SNTG1: variants seen among roughly 807,000 people sequenced by gnomAD.
SNTG1 encodes the protein syntrophin gamma 1, also known as gamma-1-syntrophin.
SNTG1 carries 39 observed loss-of-function variants against 74.7 expected under a neutral mutation model. The ratio of observed to expected loss-of-function variants is 0.52; its 90% CI spans 0.40 to 0.68. The LOEUF (loss-of-function observed/expected upper bound fraction) is 0.68. SNTG1 is among the 30% of genes least tolerant of loss of function. SNTG1 has a pLI of 0.00. For missense variants in SNTG1, 685 were observed against 609.5 expected (o/e 1.12, Z -1.30); for synonymous variants, 254 against 217.1 (o/e 1.17, Z -1.49).
chr8:50,736,513 A>G (rs148073406), intron 17 of SNTG1, among the ~76,000 whole-genome samples: 128 of 152,178 alleles, frequency 8.4e-4, no homozygotes, highest in East Asian at 2.9e-3. Context: ...TATAAGACCG[A>G]TCAACAAGAG....
intron 11 of SNTG1, among the ~76,000 whole-genome samples, chr8:50,548,357 C>G (rs1222596048): frequency 6.6e-6 from 1 of 151,926 alleles, no homozygotes. Flanking sequence ...TAAGAAAGAT[C>G]AGAAAAATAA....
intron 13 of SNTG1, among the ~76,000 whole-genome samples, chr8:50,601,886 C>T (rs2094777576): frequency 1.3e-5 from 2 of 151,968 alleles, no homozygotes; most frequent in South Asian, 2.1e-4. Flanking sequence ...TTTGTCTCCT[C>T]TTGTAGTTTT....
chr8:50,694,901 C>T (rs78603823), intron 15 of SNTG1, among the ~76,000 whole-genome samples: 2 of 145,232 alleles, frequency 1.4e-5, no homozygotes, highest in Non-Finnish European at 3.0e-5. Context: ...AAAAAAAAAA[C>T]TCCCAACAGA....
chr8:50,009,863 G>A (rs1335901614), intron 1 of SNTG1, among the ~76,000 whole-genome samples: 5 of 152,080 alleles, frequency 3.3e-5, no homozygotes, highest in Non-Finnish European at 7.4e-5. Flanking sequence ...TCTGGGCACG[G>A]TGATGCATGC....
chr8:50,768,898 C>T (rs1258435323), intron 18 of SNTG1, among the ~76,000 whole-genome samples: 1 of 151,886 alleles, frequency 6.6e-6, no homozygotes, highest in African/African-American at 2.4e-5. Flanking sequence ...TCCATAATAG[C>T]TTATTTTATG....
chr8:49,936,414 C>G (rs1808086826), intron 1 of SNTG1, among the ~76,000 whole-genome samples: 1 of 151,514 alleles, frequency 6.6e-6, no homozygotes, highest in South Asian at 2.1e-4. Flanking sequence ...ATAAACAACT[C>G]GAAATTTTAG....
chr8:50,020,289 C>A (rs975854719), intron 1 of SNTG1, among the ~76,000 whole-genome samples: 14 of 151,990 alleles, frequency 9.2e-5, no homozygotes, highest in African/African-American at 2.9e-4. Context: ...GAATAATAAG[C>A]CTTTACTTTC....
At chr8:49,984,280 A>C (rs1812950094) in intron 1 of SNTG1, among the ~76,000 whole-genome samples, 1 of 151,894 alleles carries the variant, frequency 6.6e-6, no homozygotes, top group Non-Finnish European at 1.5e-5. Context: ...ATCTCGGCTC[A>C]CTGCATCTTC....
intron 18 of SNTG1, among the ~76,000 whole-genome samples, chr8:50,770,053 A>T (rs749775974): frequency 6.6e-6 from 1 of 152,150 alleles, no homozygotes; most frequent in Non-Finnish European, 1.5e-5. Flanking sequence ...CATAAAATAG[A>T]TGAAGAGAGT....
At chr8:49,964,939 G>T (rs886436870) in intron 1 of SNTG1, among the ~76,000 whole-genome samples, 2 of 152,148 alleles carry the variant, frequency 1.3e-5, no homozygotes, top group Non-Finnish European at 2.9e-5. Flanking sequence ...ATTAGAAATA[G>T]AATTTAATAT....
intron 2 of SNTG1, among the ~76,000 whole-genome samples, chr8:50,229,384 T>TAAC (rs1563770618): frequency 6.6e-6 from 1 of 151,464 alleles, no homozygotes; most frequent in Non-Finnish European, 1.5e-5. Context: ...TTAAATAGTT[T>TAAC]AACTAAAAGG....
intron 15 of SNTG1, among the ~76,000 whole-genome samples, chr8:50,703,772 A>G (rs1197252175): frequency 6.6e-6 from 1 of 152,128 alleles, no homozygotes; most frequent in Admixed American, 6.5e-5. Context: ...GCTCTATGAC[A>G]TTACAACGGC....
intron 8 of SNTG1, among the ~76,000 whole-genome samples, chr8:50,458,343 G>T (rs375977167): frequency 3.0e-4 from 46 of 152,200 alleles, no homozygotes; most frequent in African/African-American, 1.0e-3. Context: ...TGCAGAAAAA[G>T]AAGAGCTCTT....
chr8:50,640,977 A>G (rs531375091), intron 13 of SNTG1, among the ~76,000 whole-genome samples: 23 of 152,290 alleles, frequency 1.5e-4, no homozygotes, highest in Non-Finnish European at 2.8e-4. Flanking sequence ...CTTAAATTCC[A>G]TAATCAAGTA....
chr8:50,661,470 A>T (rs551930405), intron 15 of SNTG1, among the ~76,000 whole-genome samples: 1 of 152,256 alleles, frequency 6.6e-6, no homozygotes, highest in East Asian at 1.9e-4. Flanking sequence ...ATTCTGACCA[A>T]ATTAAAATCA....
intron 18 of SNTG1, among the ~76,000 whole-genome samples, chr8:50,772,031 G>A (rs1259323953): frequency 6.6e-6 from 1 of 152,126 alleles, no homozygotes; most frequent in Non-Finnish European, 1.5e-5. Context: ...AGCCACCACA[G>A]AGAACCTCTC....
At chr8:50,539,177 C>A (rs1029981913) in intron 11 of SNTG1, among the ~76,000 whole-genome samples, 3 of 152,012 alleles carry the variant, frequency 2.0e-5, no homozygotes, top group South Asian at 2.1e-4. Context: ...ATCATTAATT[C>A]TTTTCTCATT....
Position 50,123,498 on chromosome 8 carries a change from GC to G in SNTG1, c.-102-49062del, listed in dbSNP as rs372209724. ...GCTGCCAAAAATATAAAGAGATCAG[GC>G]ATTTAGAACATCTTTACATTAAGAA... On this transcript the variant is annotated intron_variant, in intron 1 of 18. Transcript: ENST00000642720. Among the ~76,000 whole-genome samples, 10 of 142,026 alleles carry G rather than the reference GC, an allele frequency of 7.0e-5. 3 individuals are homozygous for G. The highest frequency in any genetic ancestry group is 2.5e-4 in the African/African-American group (10 of 39,354). 93.2% of individuals were successfully genotyped at this position (142,026 alleles called of 152,430 possible).
At chr8:50,392,547 G>C (rs2092675924) in intron 2 of SNTG1, among the ~76,000 whole-genome samples, 1 of 152,144 alleles carries the variant, frequency 6.6e-6, no homozygotes, top group Non-Finnish European at 1.5e-5. Flanking sequence ...GTGATGTGAA[G>C]CTTTAGCAAG....
Sources: allele counts gnomAD v4.1 joint callset (sites outside exome capture counted in the v4.1 genomes callset), GRCh38; gene constraint gnomAD v4.1.1; transcripts MANE v1.5; gene names NCBI Gene and HGNC (gene_info 2026-07-23, HGNC 2026-07-21).